EDIL3: variants seen among roughly 807,000 people sequenced by gnomAD.
EDIL3 encodes the protein EGF-like repeat and discoidin I-like domain-containing protein 3.
EDIL3 carries 37 observed loss-of-function variants against 67.4 expected under a neutral mutation model. The observed-to-expected ratio is 0.55, with a 90% CI of 0.42 to 0.72. The LOEUF (loss-of-function observed/expected upper bound fraction) is 0.72. Among genes scored for constraint, EDIL3 ranks in the 30% least tolerant of loss-of-function variants. The pLI is 0.00. For missense variants in EDIL3, 527 were observed against 586.3 expected (o/e 0.90, Z 1.04); for synonymous variants, 195 against 196.3 (o/e 0.99, Z 0.05).
chr5:84,263,665 C>A (rs1745282289), intron 1 of EDIL3, among the ~76,000 whole-genome samples: 1 of 152,046 alleles, frequency 6.6e-6, no homozygotes, highest in East Asian at 1.9e-4. Context: ...GAAGTTCCTG[C>A]CATAGAAAGT....
At chr5:84,300,933 T>TACACACACAC (rs5869219) in intron 1 of EDIL3, among the ~76,000 whole-genome samples, 35,277 of 149,576 alleles carry the variant, frequency 0.24, 4,796 homozygotes, top group Non-Finnish European at 0.32. Flanking sequence ...CACAGACACA[T>TACACACACAC]ACACACACAC....
At chr5:84,202,156 C>T (rs1029789120) in intron 3 of EDIL3, among the ~76,000 whole-genome samples, 4 of 152,050 alleles carry the variant, frequency 2.6e-5, no homozygotes, top group Non-Finnish European at 4.4e-5. Context: ...GTAATATGTG[C>T]CATTTCTTAC....
chr5:84,041,104 C>A lies in EDIL3; in HGVS notation c.1137+19196G>T, dbSNP rs571062255. Among the ~76,000 whole-genome samples, 7 of 151,552 alleles carry A rather than the reference C, an allele frequency of 4.6e-5. No homozygotes were observed. The East Asian group carries it at 1.4e-3, about 29-fold the overall frequency. ...CAGGATTGTGCCACTACACTCCAGCCTGGGAGACAGAGCAAAACAATGTCT... is the reference window on the plus strand; with the variant it reads ...CAGGATTGTGCCACTACACTCCAGCATGGGAGACAGAGCAAAACAATGTCT... On this transcript the variant is annotated intron_variant, in intron 9 of 10. Transcript: ENST00000296591.
At chr5:84,177,267 TA>T (rs1201829602) in intron 4 of EDIL3, among the ~76,000 whole-genome samples, 1 of 152,024 alleles carries the variant, frequency 6.6e-6, no homozygotes, top group African/African-American at 2.4e-5. Flanking sequence ...TAAAAGTAAA[TA>T]AACTATTAAG....
chr5:84,244,428 A>G (rs896601963), intron 2 of EDIL3, among the ~76,000 whole-genome samples: 20 of 149,096 alleles, frequency 1.3e-4, no homozygotes, highest in Non-Finnish European at 3.0e-4. Flanking sequence ...ACAGGTGTGC[A>G]CCACCACACC....
chr5:84,168,530 C>T (rs153253), intron 4 of EDIL3, among the ~76,000 whole-genome samples: 63,987 of 151,880 alleles, frequency 0.42, 13,911 homozygotes, highest in East Asian at 0.74. Context: ...GAGTGGCAAT[C>T]ACAATGCATA....
intron 1 of EDIL3, among the ~76,000 whole-genome samples, chr5:84,331,465 C>T (rs1028447526): frequency 2.6e-5 from 4 of 152,128 alleles, no homozygotes; most frequent in Admixed American, 1.3e-4. Flanking sequence ...AGTGAGTTCT[C>T]ACAAGATCTG....
intron 9 of EDIL3, among the ~76,000 whole-genome samples, chr5:84,024,690 A>C (rs1007723611): frequency 1.3e-5 from 2 of 152,162 alleles, no homozygotes; most frequent in Non-Finnish European, 2.9e-5. Context: ...TAATAGTTCA[A>C]ATATTTAGTG....
intron 1 of EDIL3, among the ~76,000 whole-genome samples, chr5:84,257,511 A>G (rs955663993): frequency 7.2e-5 from 11 of 152,190 alleles, no homozygotes; most frequent in African/African-American, 2.7e-4. Flanking sequence ...AGAAACATGT[A>G]CAAGGTAGAA....
At chr5:84,046,712 G>A (rs901570937) in intron 9 of EDIL3, among the ~76,000 whole-genome samples, 2 of 152,116 alleles carry the variant, frequency 1.3e-5, no homozygotes, top group African/African-American at 4.8e-5. Flanking sequence ...GAAGAGAATG[G>A]TTACCATTCT....
At chr5:84,376,824 T>C (rs115025940) in intron 1 of EDIL3, among the ~76,000 whole-genome samples, 2,244 of 152,258 alleles carry the variant, frequency 0.015, 50 homozygotes, top group African/African-American at 0.051. Flanking sequence ...CCTAGCTCAG[T>C]AGAAAGCACA....
chr5:83,969,974 A>G (rs982953451), intron 9 of EDIL3, among the ~76,000 whole-genome samples: 1 of 151,658 alleles, frequency 6.6e-6, no homozygotes, highest in African/African-American at 2.4e-5. Context: ...AGTGGTATAG[A>G]AAACTAGAAA....
chr5:84,280,186 T>C (rs2112106090), intron 1 of EDIL3, among the ~76,000 whole-genome samples: 1 of 152,290 alleles, frequency 6.6e-6, no homozygotes, highest in East Asian at 1.9e-4. Context: ...TATCCCTCAT[T>C]GCCCTTCCCT....
At chr5:84,194,210 G>C (rs1743652345) in intron 3 of EDIL3, among the ~76,000 whole-genome samples, 1 of 151,830 alleles carries the variant, frequency 6.6e-6, no homozygotes, top group East Asian at 1.9e-4. Flanking sequence ...TATTTACCTA[G>C]CATCTTTTTG....
chr5:84,264,544 A>C (rs950221833), intron 1 of EDIL3, among the ~76,000 whole-genome samples: 1 of 152,196 alleles, frequency 6.6e-6, no homozygotes, highest in African/African-American at 2.4e-5. Flanking sequence ...TTTACCAGAT[A>C]GGTGTGATGA....
At chr5:84,290,506 G>A (rs1745892970) in intron 1 of EDIL3, among the ~76,000 whole-genome samples, 1 of 152,084 alleles carries the variant, frequency 6.6e-6, no homozygotes, top group Non-Finnish European at 1.5e-5. Context: ...AGCCACTTTG[G>A]CATAAGGCAT....
intron 3 of EDIL3, among the ~76,000 whole-genome samples, chr5:84,228,911 C>T (rs943653093): frequency 6.6e-6 from 1 of 152,048 alleles, no homozygotes; most frequent in Non-Finnish European, 1.5e-5. Context: ...AAGCAAGCAC[C>T]ATTCTGACCA....
At chr5:84,184,350 A>C (rs956323166) in intron 3 of EDIL3, among the ~76,000 whole-genome samples, 1 of 152,208 alleles carries the variant, frequency 6.6e-6, no homozygotes, top group African/African-American at 2.4e-5. Flanking sequence ...AAAACTGAGA[A>C]GCAGAAATTC....
intron 4 of EDIL3, among the ~76,000 whole-genome samples, chr5:84,159,526 T>C (rs1748566539): frequency 6.6e-6 from 1 of 152,016 alleles, no homozygotes; most frequent in Non-Finnish European, 1.5e-5. Context: ...TTCTAGTCCT[T>C]TCTAGCCATA....
Sources: allele counts gnomAD v4.1 joint callset (sites outside exome capture counted in the v4.1 genomes callset), GRCh38; gene constraint gnomAD v4.1.1; transcripts MANE v1.5; gene names NCBI Gene and HGNC (gene_info 2026-07-23, HGNC 2026-07-21).